The following SH3D19 variants were observed in gnomAD, a reference collection of about 807,000 sequenced individuals.
SH3D19 encodes the protein SH3 domain-containing protein 19.
SH3D19 carries 58 observed loss-of-function variants against 112.1 expected under a neutral mutation model. The observed-to-expected ratio is 0.52, with a 90% CI of 0.42 to 0.64. SH3D19 has a LOEUF of 0.64. Ranked by LOEUF, SH3D19 falls within the 30% of genes least tolerant of loss-of-function variation. The probability of loss-of-function intolerance (pLI) is 0.00; values close to 1 mark genes in which losing one functional copy is unlikely to be tolerated. For synonymous variants in SH3D19, 391 were observed against 448.5 expected, an observed-to-expected ratio of 0.87 and a Z score of 1.62; for missense variants, 1,090 against 1,263.4, an observed-to-expected ratio of 0.86 and a Z score of 2.08.
chr4:151,165,810 G>T, intron 7 of SH3D19, 114 bp from the exon 8 acceptor site: 1 of 816,166 alleles, frequency 1.2e-6, no homozygotes, highest in Non-Finnish European at 1.9e-6. Context: ...ACTATTCATG[G>T]ATAAACAAAA....
chr4:151,151,231 G>A (rs1266857410), intron 9 of SH3D19, among the ~76,000 whole-genome samples: 2 of 152,108 alleles, frequency 1.3e-5, no homozygotes, highest in Non-Finnish European at 2.9e-5. Flanking sequence ...AAAGTGCTGG[G>A]ATTACACGCG....
At chr4:151,292,785 C>A (rs13134365) in intron 1 of SH3D19, among the ~76,000 whole-genome samples, 132,307 of 152,138 alleles carry the variant, frequency 0.87, 58,436 homozygotes, top group Non-Finnish European at 0.96. Context: ...ATAAAAAAAA[C>A]TTTGTTTCTG....
chr4:151,247,620 C>T (rs895741018), intron 1 of SH3D19, among the ~76,000 whole-genome samples: 5 of 152,012 alleles, frequency 3.3e-5, no homozygotes, highest in African/African-American at 1.2e-4. Flanking sequence ...TAGAACATTC[C>T]CATCACTCTA....
chr4:151,137,338 C>T (rs1752077651), intron 14 of SH3D19, among the ~76,000 whole-genome samples: 2 of 152,022 alleles, frequency 1.3e-5, no homozygotes. Context: ...CCAAAATGTA[C>T]TCCAAAGAAA....
At chr4:151,262,054 T>G (rs1486136866) in intron 1 of SH3D19, among the ~76,000 whole-genome samples, 1 of 152,200 alleles carries the variant, frequency 6.6e-6, no homozygotes, top group Non-Finnish European at 1.5e-5. Flanking sequence ...ATCCGCATTC[T>G]GTTTTGGGTT....
chr4:151,168,149 A>G (rs1227988122), intron 7 of SH3D19, among the ~76,000 whole-genome samples: 2 of 152,184 alleles, frequency 1.3e-5, no homozygotes, highest in Non-Finnish European at 2.9e-5. Flanking sequence ...TACATGTAAC[A>G]GATAAGCAAT....
chr4:151,144,237 C>A (rs367852829), intron 11 of SH3D19, 187 bp from the exon 12 acceptor site: 1 of 1,613,948 alleles, frequency 6.2e-7, no homozygotes, highest in South Asian at 1.1e-5. Context: ...GAGAGTTCTC[C>A]GGGGTTTTGA....
intron 1 of SH3D19, among the ~76,000 whole-genome samples, chr4:151,254,445 T>A (rs1193431070): frequency 6.7e-6 from 1 of 149,494 alleles, no homozygotes; most frequent in Non-Finnish European, 1.5e-5. Flanking sequence ...GGTCTCTGGT[T>A]TTCCTAGGCA....
At chr4:151,138,239 A>T (rs1444701981) in intron 13 of SH3D19, among the ~76,000 whole-genome samples, 1 of 152,210 alleles carries the variant, frequency 6.6e-6, no homozygotes, top group Non-Finnish European at 1.5e-5. Flanking sequence ...AAATCATTTT[A>T]ATTTCAAATA....
chr4:151,308,430 G>A (rs1027981781), intron 1 of SH3D19, among the ~76,000 whole-genome samples: 3 of 152,140 alleles, frequency 2.0e-5, no homozygotes, highest in Non-Finnish European at 2.9e-5. Flanking sequence ...CAGGCCCTAG[G>A]TCCCATCAGA....
intron 2 of SH3D19, among the ~76,000 whole-genome samples, chr4:151,223,022 T>TC (rs1491247375): frequency 4.4e-4 from 37 of 83,688 alleles, no homozygotes; most frequent in African/African-American, 1.2e-3. Flanking sequence ...TTTTTTTTTT[T>TC]CCTTAGGACT....
intron 2 of SH3D19, among the ~76,000 whole-genome samples, chr4:151,202,595 G>A (rs555365020): frequency 4.5e-4 from 68 of 152,240 alleles, no homozygotes; most frequent in African/African-American, 1.6e-3. Flanking sequence ...TGTTTCTTGC[G>A]TCATGGCCCT....
rs749141626 is a variant in SH3D19, at chr4:151,277,202, G to T, written c.112+48039C>A. ...GCCCTGCTGGCTGTGCCTTCACGCT[G>T]CTCCTTCTGCTGGGGATCTCAGGTG... On this transcript the variant is annotated intron_variant, in intron 1 of 19. Transcript: ENST00000604030. 1.4e-5 allele frequency: 21 copies of T among 1,501,154 alleles called. No homozygotes were observed. The Admixed American group carries it at 3.9e-4, about 28-fold the overall frequency. The allele number at this position is 1,501,154 out of a possible 1,614,324, so 93.0% of individuals were successfully genotyped here. A position where few individuals can be genotyped will look rare whatever the true frequency, so the allele number is the denominator to read the frequency against.
chr4:151,221,073 C>T (rs1328539052), intron 2 of SH3D19, among the ~76,000 whole-genome samples: 1 of 152,156 alleles, frequency 6.6e-6, no homozygotes, highest in Non-Finnish European at 1.5e-5. Context: ...TAGTGTTGGC[C>T]TACATATGAT....
chr4:151,254,735 A>C (rs977964230), intron 1 of SH3D19, among the ~76,000 whole-genome samples: 5 of 150,516 alleles, frequency 3.3e-5, no homozygotes, highest in Non-Finnish European at 7.4e-5. Context: ...CTACACAGAC[A>C]CGGCAACCAT....
intron 2 of SH3D19, among the ~76,000 whole-genome samples, chr4:151,215,594 C>A (rs1241940384): frequency 1.3e-5 from 2 of 152,174 alleles, no homozygotes; most frequent in Non-Finnish European, 2.9e-5. Context: ...AGGATTCCTG[C>A]CTTAAATGTT....
At chr4:151,232,591 C>T (rs896890385) in intron 1 of SH3D19, among the ~76,000 whole-genome samples, 1 of 152,086 alleles carries the variant, frequency 6.6e-6, no homozygotes, top group African/African-American at 2.4e-5. Context: ...TTCTCATCTA[C>T]AAAACAGGGG....
rs149488447 is a variant in SH3D19, at chr4:151,187,886, C to T, written c.153-423G>A. ...ATAGTCAATTTGACCTAAGGAACAA[C>T]AGCATTTCTTCTTAAGATTAGAATT... On this transcript the variant is annotated intron_variant, in intron 2 of 19. Coordinates refer to ENST00000604030, the MANE Select transcript of SH3D19 (RefSeq NM_001378122.1). 4.3e-3 allele frequency among the ~76,000 whole-genome samples: 654 copies of T among 152,276 alleles called. 4 individuals are homozygous for T. Among genetic ancestry groups the T allele is most frequent in the African/African-American group, 0.015 (607 of 41,546 alleles).
intron 1 of SH3D19, among the ~76,000 whole-genome samples, chr4:151,273,657 A>C (rs1279810230): frequency 6.6e-6 from 1 of 150,902 alleles, no homozygotes; most frequent in Non-Finnish European, 1.5e-5. Flanking sequence ...CTCAGAGGGA[A>C]AGGACTCTCT....
Sources: allele counts gnomAD v4.1 joint callset (sites outside exome capture counted in the v4.1 genomes callset), GRCh38; gene constraint gnomAD v4.1.1; transcripts MANE v1.5; gene names NCBI Gene and HGNC (gene_info 2026-07-23, HGNC 2026-07-21).